The following ERBB4 variants were observed in gnomAD, a reference collection of about 807,000 sequenced individuals.
ERBB4 encodes erb-b2 receptor tyrosine kinase 4.
ERBB4 carries 42 observed loss-of-function variants against 158.0 expected under a neutral mutation model. The observed-to-expected ratio is 0.27, with a 90% CI of 0.21 to 0.34. The LOEUF (loss-of-function observed/expected upper bound fraction) is 0.34. ERBB4 is among the 10% of genes least tolerant of loss of function. The pLI, the probability that ERBB4 is intolerant of heterozygous loss-of-function variation, is 1.00. For missense variants in ERBB4, 1,333 were observed against 1,624.1 expected, an observed-to-expected ratio of 0.82 and a Z score of 3.08; for synonymous variants, 583 against 558.7, an observed-to-expected ratio of 1.04 and a Z score of -0.61.
intron 1 of ERBB4, among the ~76,000 whole-genome samples, chr2:212,503,930 A>G (rs910090698): frequency 1.3e-5 from 2 of 152,206 alleles, no homozygotes; most frequent in Non-Finnish European, 2.9e-5. Context: ...GTGAAATACT[A>G]GGAGGAAAAT....
intron 3 of ERBB4, among the ~76,000 whole-genome samples, chr2:211,833,527 C>A (rs2077270480): frequency 6.6e-6 from 1 of 151,972 alleles, no homozygotes; most frequent in African/African-American, 2.4e-5. Flanking sequence ...TTTGTTTAGA[C>A]TCAGATCTAG....
chr2:211,861,380 G>A (rs562583335), intron 3 of ERBB4, among the ~76,000 whole-genome samples: 28 of 131,242 alleles, frequency 2.1e-4, no homozygotes, highest in Non-Finnish European at 4.1e-4. Flanking sequence ...ACTTTTAGCA[G>A]AGAAGAGGTT....
chr2:212,386,197 G>A (rs1388418138), intron 1 of ERBB4, among the ~76,000 whole-genome samples: 2 of 151,398 alleles, frequency 1.3e-5, no homozygotes, highest in African/African-American at 4.9e-5. Flanking sequence ...GACTCCCAAG[G>A]ATTCACCTTC....
chr2:211,477,364 G>A (rs559087716), intron 20 of ERBB4, among the ~76,000 whole-genome samples: 1 of 151,510 alleles, frequency 6.6e-6, no homozygotes, highest in South Asian at 2.1e-4. Context: ...TTATTCTGTT[G>A]GTTTTATTTC....
Position 212,290,780 on chromosome 2 carries a change from A to C in ERBB4, c.83-165877T>G, listed in dbSNP as rs77949206. Among the ~76,000 whole-genome samples the C allele has an allele frequency of 8.9e-3, 1,351 of 152,204 alleles. 12 individuals are homozygous for C. The highest frequency in any genetic ancestry group is 0.031 in the African/African-American group (1,279 of 41,534). On this transcript the variant is annotated intron_variant, in intron 1 of 27. Transcript: ENST00000342788. ...AAATATGTGACATTCTGTTCAATGTAAAAAAACAAATAACGAACATATACC... is the reference window on the plus strand; with the variant it reads ...AAATATGTGACATTCTGTTCAATGTCAAAAAACAAATAACGAACATATACC...
intron 6 of ERBB4, among the ~76,000 whole-genome samples, chr2:211,722,757 T>A (rs1463396132): frequency 6.6e-6 from 1 of 152,238 alleles, no homozygotes; most frequent in Non-Finnish European, 1.5e-5. Context: ...GTGCTTAGCC[T>A]GTATCCAGTA....
At chr2:211,732,975 T>G (rs1459248502) in intron 5 of ERBB4, among the ~76,000 whole-genome samples, 2 of 152,084 alleles carry the variant, frequency 1.3e-5, no homozygotes, top group Non-Finnish European at 2.9e-5. Context: ...AGACTCCGTC[T>G]CAAAAAACAA....
chr2:211,662,017 C>T (rs1168992507), intron 15 of ERBB4, among the ~76,000 whole-genome samples: 2 of 106,480 alleles, frequency 1.9e-5, no homozygotes, highest in African/African-American at 3.6e-5. Flanking sequence ...CCAGCCTGGG[C>T]GACAGAGCGG....
intron 20 of ERBB4, among the ~76,000 whole-genome samples, chr2:211,508,736 C>T (rs2065813781): frequency 1.3e-5 from 2 of 152,054 alleles, no homozygotes; most frequent in East Asian, 3.9e-4. Flanking sequence ...TTTACAATTG[C>T]AAAGACTTGG....
Position 211,630,576 on chromosome 2 carries a change from A to G in ERBB4, c.1965T>C (p.Ala655=), listed in dbSNP as rs767533097. 1.9e-6 allele frequency: 3 copies of G among 1,613,352 alleles called. No individual in the cohort carries two copies. Among genetic ancestry groups the G allele is most frequent in the Non-Finnish European group, 2.5e-6 (3 of 1,179,742 alleles). The part of the protein sequence containing the change: ...PQHARTPLIA[A]GVIGGLFILV... ...GAATGAAGAGCCCACCAATTACTCC[A>G]GCTGCAATCAGGGGAGTTCTGACAA... The change falls in exon 17 of 28, where the codon GCT becomes GCC. Residue 655 remains alanine, a synonymous_variant. Coordinates refer to ENST00000342788, the MANE Select transcript of ERBB4 (RefSeq NM_005235.3).
intron 7 of ERBB4, among the ~76,000 whole-genome samples, chr2:211,714,120 A>T (rs1408947286): frequency 6.6e-6 from 1 of 152,220 alleles, no homozygotes; most frequent in Non-Finnish European, 1.5e-5. Flanking sequence ...AGTGCCACAA[A>T]ACCTTTCTCA....
At chr2:212,218,069 A>G (rs938896876) in intron 1 of ERBB4, among the ~76,000 whole-genome samples, 2 of 151,280 alleles carry the variant, frequency 1.3e-5, no homozygotes, top group Non-Finnish European at 3.0e-5. Context: ...CATGATTATT[A>G]TGAAAAGTAA....
intron 2 of ERBB4, among the ~76,000 whole-genome samples, chr2:212,045,475 GA>G: frequency 6.6e-6 from 1 of 152,036 alleles, no homozygotes; most frequent in Middle Eastern, 3.2e-3. Flanking sequence ...ACAAATTAAA[GA>G]AAGGAAAAAG....
intron 3 of ERBB4, among the ~76,000 whole-genome samples, chr2:211,798,949 A>T (rs2076441282): frequency 6.6e-6 from 1 of 152,040 alleles, no homozygotes; most frequent in Non-Finnish European, 1.5e-5. Context: ...ATTTCCTGTC[A>T]TTTCTCTAAC....
At position 211,377,113 on chromosome 2, in the gene ERBB4, T is replaced by G; in HGVS notation, c.*6502A>C. Reference sequence around the variant, plus strand: ...AGTGCTATGGTTGTAGTCCCCTCACTCCCCCCTCCCAGCCCCTGAGAGATC... The same window carrying G: ...AGTGCTATGGTTGTAGTCCCCTCACGCCCCCCTCCCAGCCCCTGAGAGATC... On this transcript the variant is annotated 3_prime_UTR_variant, in exon 28 of 28. Coordinates refer to ENST00000342788, the MANE Select transcript of ERBB4 (RefSeq NM_005235.3). 4.3e-6 allele frequency: 1 copy of G among 231,808 alleles called. No individual in the cohort carries two copies. Among genetic ancestry groups the G allele is most frequent in the East Asian group, 6.1e-5 (1 of 16,466 alleles). 14.4% of individuals were successfully genotyped at this position (231,808 alleles called of 1,614,324 possible).
chr2:211,416,318 G>C (rs1362913179), intron 25 of ERBB4, among the ~76,000 whole-genome samples: 1 of 151,806 alleles, frequency 6.6e-6, no homozygotes, highest in Non-Finnish European at 1.5e-5. Context: ...CTTAGCCATT[G>C]TAACAAAAAA....
At chr2:212,427,550 T>C (rs2091940432) in intron 1 of ERBB4, among the ~76,000 whole-genome samples, 1 of 152,152 alleles carries the variant, frequency 6.6e-6, no homozygotes, top group African/African-American at 2.4e-5. Context: ...ATAGTTTTTA[T>C]GCCATATGGG....
rs552694864 is a variant in ERBB4, at chr2:212,329,769, A to G, written c.83-204866T>C. On this transcript the variant is annotated intron_variant, in intron 1 of 27. Transcript: ENST00000342788. ...TACTTCTGAGAAAAGCATGTTGTCT[A>G]AATATTTATCAAGATAATTTATAAA... 2.2e-4 allele frequency among the ~76,000 whole-genome samples: 33 copies of G among 152,210 alleles called. 1 individual carries two copies. The South Asian group carries it at 6.8e-3, about 32-fold the overall frequency.
At chr2:212,247,656 A>G (rs2084361392) in intron 1 of ERBB4, among the ~76,000 whole-genome samples, 1 of 152,206 alleles carries the variant, frequency 6.6e-6, no homozygotes, top group African/African-American at 2.4e-5. Context: ...ATTTTATCAT[A>G]GTACTTTAGA....
Sources: gnomAD v4.1 joint callset for allele counts (sites outside exome capture counted in the v4.1 genomes callset) on GRCh38, gnomAD v4.1.1 for gene constraint, MANE v1.5 for transcripts, NCBI Gene and HGNC (gene_info 2026-07-23, HGNC 2026-07-21) for gene names.